MSI2: variants seen among roughly 807,000 people sequenced by gnomAD.
MSI2 encodes the protein RNA-binding protein Musashi homolog 2.
A neutral mutation model predicts 45.6 loss-of-function variants in MSI2; 17 were observed. That is an observed-to-expected ratio of 0.37 (90% confidence interval 0.26 to 0.56). The LOEUF (loss-of-function observed/expected upper bound fraction) is 0.56. MSI2 is among the 20% of genes least tolerant of loss of function. MSI2 has a pLI of 0.77. For synonymous variants in MSI2, 156 were observed against 158.2 expected (o/e 0.99, Z 0.11); for missense variants, 293 against 444.2 (o/e 0.66, Z 3.06).
At chr17:57,347,011 T>C (rs1915671318) in intron 5 of MSI2, among the ~76,000 whole-genome samples, 1 of 152,228 alleles carries the variant, frequency 6.6e-6, no homozygotes, top group Non-Finnish European at 1.5e-5. Context: ...TTACTCTGGT[T>C]ATCTTTAAGA....
chr17:57,512,297 T>C (rs1486723493), intron 6 of MSI2, among the ~76,000 whole-genome samples: 1 of 152,182 alleles, frequency 6.6e-6, no homozygotes, highest in Non-Finnish European at 1.5e-5. Context: ...GAATGGATTC[T>C]AAAGGTAGCA....
intron 6 of MSI2, among the ~76,000 whole-genome samples, chr17:57,455,320 C>T (rs759839464): frequency 5.9e-5 from 9 of 152,210 alleles, no homozygotes; most frequent in Admixed American, 6.5e-5. Context: ...GAGCTGTGGT[C>T]ACAGTCGGAC....
At chr17:57,358,246 AC>A (rs1430584827) in intron 5 of MSI2, among the ~76,000 whole-genome samples, 1 of 151,408 alleles carries the variant, frequency 6.6e-6, no homozygotes. Context: ...CAGCATTTGT[AC>A]CTGTAAAACC....
At chr17:57,562,721 A>G (rs539374484) in intron 7 of MSI2, among the ~76,000 whole-genome samples, 1 of 152,358 alleles carries the variant, frequency 6.6e-6, no homozygotes, top group Non-Finnish European at 1.5e-5. Context: ...TGGCTAACAA[A>G]TCAGATCCTC....
chr17:57,421,153 A>G (rs2084387762), intron 6 of MSI2, among the ~76,000 whole-genome samples: 1 of 151,002 alleles, frequency 6.6e-6, no homozygotes, highest in Non-Finnish European at 1.5e-5. Flanking sequence ...TTTACTTTTT[A>G]TGATGTCGGT....
intron 6 of MSI2, among the ~76,000 whole-genome samples, chr17:57,430,570 C>T (rs1349785606): frequency 2.6e-5 from 4 of 152,194 alleles, no homozygotes; most frequent in African/African-American, 9.7e-5. Flanking sequence ...AAAGCAATGG[C>T]CTTATTTTCA....
intron 5 of MSI2, among the ~76,000 whole-genome samples, chr17:57,395,513 T>C (rs2083872516): frequency 6.6e-6 from 1 of 151,584 alleles, no homozygotes; most frequent in Non-Finnish European, 1.5e-5. Context: ...GGTGGTAGAG[T>C]TGGTGGTGGC....
intron 5 of MSI2, among the ~76,000 whole-genome samples, chr17:57,303,647 G>A (rs1448591679): frequency 5.9e-5 from 9 of 152,162 alleles, no homozygotes; most frequent in Non-Finnish European, 1.5e-5. Flanking sequence ...GGCCTCAGCG[G>A]TCTGTTATTT....
intron 7 of MSI2, among the ~76,000 whole-genome samples, chr17:57,557,084 C>T (rs1304048671): frequency 2.0e-5 from 3 of 152,058 alleles, no homozygotes; most frequent in African/African-American, 4.8e-5. Context: ...CCAAGATGCC[C>T]GATAATAGCG....
intron 5 of MSI2, among the ~76,000 whole-genome samples, chr17:57,308,527 A>G (rs933201680): frequency 7.2e-5 from 11 of 152,242 alleles, no homozygotes; most frequent in Admixed American, 1.3e-4. Flanking sequence ...GTGCCGACTT[A>G]ACGGTTGGGA....
intron 5 of MSI2, among the ~76,000 whole-genome samples, chr17:57,381,477 C>T (rs2083597058): frequency 6.6e-6 from 1 of 152,200 alleles, no homozygotes; most frequent in Non-Finnish European, 1.5e-5. Flanking sequence ...GCCCTATGGC[C>T]TCTGCTGGTT....
chr17:57,583,488 C>CTTTTTTT (rs5821192), intron 7 of MSI2, among the ~76,000 whole-genome samples: 3,703 of 97,770 alleles, frequency 0.038, 134 homozygotes, highest in Middle Eastern at 0.047. Flanking sequence ...CCCAATGTTT[C>CTTTTTTT]TTTTTTTTTT....
At position 57,674,429 on chromosome 17, in the gene MSI2, T is replaced by C. The variant is rs536586956; in HGVS notation, c.791-543T>C. Reference sequence around the variant, plus strand: ...AGATCAAAAATCCCCTCTGCAAAGATTTTTTTTTTCCTGGACACAAATTGC... The same window carrying C: ...AGATCAAAAATCCCCTCTGCAAAGACTTTTTTTTTCCTGGACACAAATTGC... On this transcript the variant is annotated intron_variant, in intron 11 of 13. Transcript: ENST00000284073. 2.6e-4 allele frequency among the ~76,000 whole-genome samples: 37 copies of C among 142,398 alleles called. No individual in the cohort carries two copies. The East Asian group carries it at 6.8e-3, about 26-fold the overall frequency. The allele number at this position is 142,398 out of a possible 152,430, so 93.4% of individuals were successfully genotyped here.
chr17:57,584,212 C>T (rs1156685416), intron 7 of MSI2, among the ~76,000 whole-genome samples: 6 of 152,228 alleles, frequency 3.9e-5, no homozygotes, highest in Non-Finnish European at 5.9e-5. Context: ...CTGGCAGAGC[C>T]GCCACGCCAA....
intron 10 of MSI2, among the ~76,000 whole-genome samples, chr17:57,650,689 T>C (rs1458342795): frequency 6.6e-6 from 1 of 152,234 alleles, no homozygotes; most frequent in Non-Finnish European, 1.5e-5. Context: ...TCTCTTTTCA[T>C]TGACATTTTA....
chr17:57,613,548 G>A (rs1907377570), intron 8 of MSI2, among the ~76,000 whole-genome samples: 1 of 152,096 alleles, frequency 6.6e-6, no homozygotes, highest in African/African-American at 2.4e-5. Context: ...ATTACTAGGT[G>A]TATGTATAAA....
intron 9 of MSI2, among the ~76,000 whole-genome samples, chr17:57,616,819 C>T (rs575249010): frequency 6.6e-6 from 1 of 152,170 alleles, no homozygotes; most frequent in South Asian, 2.1e-4. Context: ...AGTGGAGATG[C>T]GTAATGGTGT....
intron 7 of MSI2, among the ~76,000 whole-genome samples, chr17:57,586,467 A>C (rs1333880727): frequency 6.6e-6 from 1 of 151,250 alleles, no homozygotes; most frequent in African/African-American, 2.4e-5. Flanking sequence ...ACATTTGTCT[A>C]ATTTCACAAG....
intron 5 of MSI2, among the ~76,000 whole-genome samples, chr17:57,273,449 T>A (rs1479807594): frequency 6.6e-6 from 1 of 150,858 alleles, no homozygotes; most frequent in African/African-American, 2.4e-5. Context: ...ACGTCCCATA[T>A]TCTTGTTAAA....
Sources: allele counts gnomAD v4.1 joint callset (sites outside exome capture counted in the v4.1 genomes callset), GRCh38; gene constraint gnomAD v4.1.1; transcripts MANE v1.5; gene names NCBI Gene and HGNC (gene_info 2026-07-23, HGNC 2026-07-21).